The following NBEAL1 variants were observed in gnomAD, a reference collection of about 807,000 sequenced individuals.
NBEAL1 encodes neurobeachin-like protein 1.
A neutral mutation model predicts 351.3 loss-of-function variants in NBEAL1; 273 were observed. The observed-to-expected ratio is 0.78, with a 90% CI of 0.70 to 0.86. The LOEUF (loss-of-function observed/expected upper bound fraction) is 0.86. NBEAL1 is among the 40% of genes least tolerant of loss of function. The pLI is 0.00. For missense variants in NBEAL1, 2,961 were observed against 3,201.3 expected, an observed-to-expected ratio of 0.92 and a Z score of 1.81; for synonymous variants, 1,050 against 1,086.4, an observed-to-expected ratio of 0.97 and a Z score of 0.66.
chr2:203,102,141 A>G (rs960620404), intron 12 of NBEAL1, among the ~76,000 whole-genome samples: 1 of 152,094 alleles, frequency 6.6e-6, no homozygotes, highest in African/African-American at 2.4e-5. Flanking sequence ...AATGCTGCTG[A>G]TTTTTGTACA....
rs543540644 is a variant in NBEAL1 at position 203,090,757 on chromosome 2, C to T, written c.1098+6188C>T. On this transcript the variant is annotated intron_variant, in intron 10 of 55. Transcript: ENST00000683969. Reference sequence around the variant, plus strand: ...CAAAAAAGTTAGCCAGGTGTCGTGGCGCATGCCTGTAATCCCAGCTACCTG... The same window carrying T: ...CAAAAAAGTTAGCCAGGTGTCGTGGTGCATGCCTGTAATCCCAGCTACCTG... Among the ~76,000 whole-genome samples, 8 of 152,130 alleles carry T rather than the reference C, an allele frequency of 5.3e-5. No individual in the cohort carries two copies. In the South Asian group the frequency reaches 1.2e-3, roughly 24 times the overall value.
At chr2:203,172,338 T>A (rs1190125949) in intron 40 of NBEAL1, among the ~76,000 whole-genome samples, 1 of 152,064 alleles carries the variant, frequency 6.6e-6, no homozygotes, top group Non-Finnish European at 1.5e-5. Context: ...CTAGTCAACA[T>A]GGTGAAACCC....
intron 41 of NBEAL1, 47 bp from the exon 42 acceptor site, chr2:203,175,100 G>A (rs1235893497): frequency 1.0e-5 from 15 of 1,502,426 alleles, no homozygotes; most frequent in Non-Finnish European, 1.3e-5. Flanking sequence ...GCCCCCTTAT[G>A]TACTTTATTA....
chr2:203,095,762 TTTTG>T (rs1215188241), intron 10 of NBEAL1, among the ~76,000 whole-genome samples: 1 of 151,990 alleles, frequency 6.6e-6, no homozygotes, highest in Non-Finnish European at 1.5e-5. Flanking sequence ...TTCATTTGTT[TTTTG>T]TTTGTTTTGT....
chr2:203,208,782 T>G, intron 52 of NBEAL1, 29 bp downstream of exon 52: 2 of 1,474,604 alleles, frequency 1.4e-6, no homozygotes, highest in South Asian at 1.2e-5. Context: ...GAAATACTAT[T>G]TATTTTGTCT....
intron 7 of NBEAL1, among the ~76,000 whole-genome samples, chr2:203,071,760 C>G (rs1396611984): frequency 6.6e-6 from 1 of 152,136 alleles, no homozygotes; most frequent in Non-Finnish European, 1.5e-5. Context: ...AACCAGAATA[C>G]AATGTTGGAA....
intron 55 of NBEAL1, 27 bp from the exon 56 acceptor site, chr2:203,217,226 T>C (rs1401641294): frequency 6.8e-7 from 1 of 1,465,640 alleles, no homozygotes; most frequent in Non-Finnish European, 9.1e-7. Context: ...ATATTTATTC[T>C]TCATTTCTTT....
chr2:203,174,216 CAAAAAAAAAAAAAAA>C (rs10652390), intron 41 of NBEAL1, among the ~76,000 whole-genome samples: 3 of 24,592 alleles, frequency 1.2e-4, no homozygotes, highest in African/African-American at 2.1e-4. Context: ...TTTATACTAG[CAAAAAAAAAAAAAAA>C]AAAAAAAAAA....
intron 2 of NBEAL1, among the ~76,000 whole-genome samples, chr2:203,024,869 T>G (rs1161250095): frequency 6.6e-6 from 1 of 151,990 alleles, no homozygotes; most frequent in Non-Finnish European, 1.5e-5. Flanking sequence ...CTGAAATAAA[T>G]AAATAAATAA....
intron 2 of NBEAL1, among the ~76,000 whole-genome samples, chr2:203,034,113 A>G (rs992412893): frequency 6.7e-6 from 1 of 148,698 alleles, no homozygotes; most frequent in Admixed American, 6.7e-5. Flanking sequence ...TTGTCTTTAT[A>G]TTCATGGTCT....
chr2:203,111,985 A>G lies in NBEAL1; in HGVS notation c.2089A>G (p.Ile697Val), dbSNP rs1053581926. Reference protein sequence around the residue: ...HSFCDSLWHNITVVHMPGKRP... With the variant: ...HSFCDSLWHNVTVVHMPGKRP... Reference sequence around the variant, plus strand: ...GTGTGTTTCACTTTACCAGCACAACATAACTGTTGTCCACATGCCTGGAAA... The same window carrying G: ...GTGTGTTTCACTTTACCAGCACAACGTAACTGTTGTCCACATGCCTGGAAA... The change falls in exon 16 of 56, where the codon ATA becomes GTA. Residue 697 changes from isoleucine (I) to valine (V), a missense_variant. Ile to Val is a conservative substitution (Grantham distance 29, BLOSUM62 3). Transcript: ENST00000683969. 8.4e-6 allele frequency: 13 copies of G among 1,549,948 alleles called. No homozygotes were observed. Among genetic ancestry groups the G allele is most frequent in the African/African-American group, 2.7e-5 (2 of 73,004 alleles).
intron 8 of NBEAL1, among the ~76,000 whole-genome samples, chr2:203,082,749 G>A (rs1323692844): frequency 6.6e-6 from 1 of 152,118 alleles, no homozygotes; most frequent in Non-Finnish European, 1.5e-5. Flanking sequence ...TTTTGAGCTG[G>A]TACAGCAACT....
chr2:203,018,206 C>A (rs1410377714), intron 2 of NBEAL1, among the ~76,000 whole-genome samples: 1 of 151,688 alleles, frequency 6.6e-6, no homozygotes, highest in African/African-American at 2.4e-5. Flanking sequence ...TTATTATTCT[C>A]ACTCTAGCAT....
rs2063046000 is a variant in NBEAL1 at position 203,130,374 on chromosome 2, T to G, written c.3462T>G (p.Gly1154=). ...TCCTACGTACCAGCCCAACCAGAGG[T>G]CAGCTTTTCTTACTGCTTTTTGAAC... ...FSLLRTSPTR[G]QLFLLLFEPG... is the part of the protein sequence containing the mutation. The change falls in exon 25 of 56, where the codon GGT becomes GGG. Residue 1154 remains glycine, a synonymous_variant. Transcript: ENST00000683969. 6.5e-7 allele frequency: 1 copy of G among 1,531,856 alleles called. No individual in the cohort carries two copies. The highest frequency in any genetic ancestry group is 1.3e-5 in the South Asian group (1 of 79,584). The allele number at this position is 1,531,856 out of a possible 1,614,324, so 94.9% of individuals were successfully genotyped here. A position where few individuals can be genotyped will look rare whatever the true frequency, so the allele number is the denominator to read the frequency against.
intron 35 of NBEAL1, among the ~76,000 whole-genome samples, chr2:203,155,443 T>C (rs1161605463): frequency 2.6e-5 from 4 of 151,916 alleles, no homozygotes; most frequent in Non-Finnish European, 5.9e-5. Flanking sequence ...TTTGTTTGTT[T>C]GTTTGTTTTG....
At chr2:203,086,536 C>A (rs1011458917) in intron 10 of NBEAL1, among the ~76,000 whole-genome samples, 15 of 152,134 alleles carry the variant, frequency 9.9e-5, no homozygotes, top group Non-Finnish European at 2.2e-4. Context: ...ACTCTTTAGT[C>A]TCCCCTTTCT....
Position 203,016,981 on chromosome 2 carries a change from A to G in NBEAL1, c.51+546A>G, listed in dbSNP as rs182883166. 2.1e-3 allele frequency among the ~76,000 whole-genome samples: 323 copies of G among 152,274 alleles called. 3 individuals are homozygous for G. The highest frequency in any genetic ancestry group is 1.1e-3 in the Non-Finnish European group (74 of 68,016). The stretch of plus-strand genomic sequence containing the variant: ...CTTTTACTGATGGGAAAACTGATGC[A>G]AGGGTTACAGGAGTACTGAGTAGCC... On this transcript the variant is annotated intron_variant, in intron 2 of 55. Coordinates refer to ENST00000683969, the MANE Select transcript of NBEAL1 (RefSeq NM_001378026.1).
intron 18 of NBEAL1, among the ~76,000 whole-genome samples, chr2:203,118,551 A>G (rs2062751512): frequency 6.6e-6 from 1 of 152,064 alleles, no homozygotes; most frequent in Non-Finnish European, 1.5e-5. Context: ...CATATAATCC[A>G]AACAGTATAT....
rs556923204 is a variant in NBEAL1, at chr2:203,138,310, G to T, written c.4714G>T (p.Glu1572Ter). 6.2e-7 allele frequency: 1 copy of T among 1,610,260 alleles called. No homozygotes were observed. The highest frequency in any genetic ancestry group is 2.2e-5 in the East Asian group (1 of 44,848). ...ACTAGTTAATTCAAACATGTGGACC[G>T]AGAAGGTGCAGTAATATCTCTTTAA... Reference protein sequence around the residue: ...EGLVNSNMWTEKLLEDMMLLF... With the variant: ...EGLVNSNMWT The change falls in exon 30 of 56, where the codon GAG becomes TAG. Residue 1572 changes from glutamate (E) to a stop codon, truncating the protein, a stop_gained. Coordinates refer to ENST00000683969, the MANE Select transcript of NBEAL1 (RefSeq NM_001378026.1). LOFTEE classifies it high-confidence loss of function.
Sources: allele counts gnomAD v4.1 joint callset (sites outside exome capture counted in the v4.1 genomes callset), GRCh38; gene constraint gnomAD v4.1.1; transcripts MANE v1.5; gene names NCBI Gene and HGNC (gene_info 2026-07-23, HGNC 2026-07-21).